The following PRCP variants were observed in gnomAD, a reference collection of about 807,000 sequenced individuals.
PRCP encodes the protein lysosomal Pro-X carboxypeptidase.
Under a neutral mutation model 54.2 loss-of-function variants are expected in PRCP, and 46 were observed. That is an observed-to-expected ratio of 0.85 (90% confidence interval 0.67 to 1.09). The LOEUF is 1.09. Ranked by LOEUF, PRCP falls within the 50% of genes least tolerant of loss-of-function variation. The pLI is 0.00. For synonymous variants in PRCP, 240 were observed against 212.2 expected, an observed-to-expected ratio of 1.13 and a Z score of -1.14; for missense variants, 613 against 596.8, an observed-to-expected ratio of 1.03 and a Z score of -0.28.
intron 6 of PRCP, among the ~76,000 whole-genome samples, chr11:82,844,309 G>GT (rs1259866631): frequency 7.9e-5 from 12 of 152,248 alleles, no homozygotes; most frequent in Admixed American, 4.6e-4. Context: ...AGTAATCCCA[G>GT]TTACTCAGGA....
chr11:82,834,755 G>A (rs1371301251), intron 8 of PRCP, among the ~76,000 whole-genome samples: 1 of 152,200 alleles, frequency 6.6e-6, no homozygotes, highest in Non-Finnish European at 1.5e-5. Context: ...GTCAGTGGGT[G>A]GAGTAGGGGG....
At chr11:82,842,436 C>T (rs915655847) in intron 6 of PRCP, among the ~76,000 whole-genome samples, 7 of 152,110 alleles carry the variant, frequency 4.6e-5, no homozygotes, top group African/African-American at 1.4e-4. Context: ...CTGGATCCAG[C>T]TTTGTACACA....
intron 1 of PRCP, among the ~76,000 whole-genome samples, chr11:82,890,335 A>T (rs1859974925): frequency 6.6e-6 from 1 of 152,160 alleles, no homozygotes; most frequent in African/African-American, 2.4e-5. Flanking sequence ...GCGTTCTGAG[A>T]AACAGCACAC....
chr11:82,853,798 T>C (rs1859015916), intron 2 of PRCP, among the ~76,000 whole-genome samples: 1 of 152,198 alleles, frequency 6.6e-6, no homozygotes, highest in Non-Finnish European at 1.5e-5. Flanking sequence ...ATCAAGAAGT[T>C]AATTTACCAG....
Position 82,850,013 on chromosome 11 carries a change from A to T in PRCP, c.652T>A (p.Phe218Ile), listed in dbSNP as rs1312950352. The T allele has an allele frequency of 1.9e-6, 3 of 1,557,656 alleles. No homozygotes were observed. The highest frequency in any genetic ancestry group is 2.8e-5 in the African/African-American group (2 of 72,290). ...AAATCTGTAGTTACGATCTTCATAA[A>T]TACACCACAAGGTACTAAATCCTCA... ...QFEDLVPCGV[F>I]MKIVTTDFRK... is the part of the protein sequence containing the mutation. The change falls in exon 5 of 9, where the codon TTT becomes ATT. Residue 218 changes from phenylalanine to isoleucine, a missense_variant. Physicochemically the swap from Phe to Ile is conservative, Grantham distance 21. Coordinates refer to ENST00000313010, the MANE Select transcript of PRCP (RefSeq NM_005040.4).
chr11:82,835,496 T>C (rs1858498617), intron 8 of PRCP: 1 of 251,392 alleles, frequency 4.0e-6, no homozygotes, highest in Admixed American at 5.2e-5. Context: ...CTAAGCCCAC[T>C]TGAGCCACAG....
At chr11:82,898,909 C>T (rs1200247334) in intron 1 of PRCP, among the ~76,000 whole-genome samples, 1 of 152,186 alleles carries the variant, frequency 6.6e-6, no homozygotes, top group East Asian at 1.9e-4. Context: ...CTTTGGGAGG[C>T]CAAGACAGGG....
chr11:82,837,275 A>G (rs1591039150), intron 8 of PRCP: 1 of 156,052 alleles, frequency 6.4e-6, no homozygotes, highest in African/African-American at 2.4e-5. Flanking sequence ...ATTTGGCTGG[A>G]TAAGTTTGCC....
At chr11:82,889,657 G>A (rs1264301720) in intron 1 of PRCP, among the ~76,000 whole-genome samples, 1 of 152,138 alleles carries the variant, frequency 6.6e-6, no homozygotes, top group Non-Finnish European at 1.5e-5. Context: ...AAGAGGTAAG[G>A]CCCATGGGAG....
At chr11:82,828,286 A>G (rs963610518) in intron 8 of PRCP, 4 of 152,216 alleles carry the variant, frequency 2.6e-5, no homozygotes, top group African/African-American at 9.6e-5. Flanking sequence ...TGCTGTTGGA[A>G]GTCGACAGCT....
chr11:82,845,745 C>G (rs1858792782), intron 6 of PRCP: 1 of 147,186 alleles, frequency 6.8e-6, no homozygotes. Context: ...CCAAAATTAA[C>G]AAATTACAGC....
intron 2 of PRCP, among the ~76,000 whole-genome samples, chr11:82,857,656 A>G (rs149726643): frequency 1.6e-3 from 250 of 152,368 alleles, no homozygotes; most frequent in African/African-American, 5.9e-3. Context: ...GTTGCTTTTT[A>G]GTGAGTTCCT....
At position 82,875,880 on chromosome 11, in the gene PRCP, G is replaced by A. The variant is rs182767879; in HGVS notation, c.169-15763C>T. 7.2e-4 allele frequency among the ~76,000 whole-genome samples: 109 copies of A among 152,188 alleles called. 1 individual carries two copies. Among genetic ancestry groups the A allele is most frequent in the African/African-American group, 2.6e-3 (107 of 41,530 alleles). On this transcript the variant is annotated intron_variant, in intron 1 of 8. Coordinates refer to ENST00000313010, the MANE Select transcript of PRCP (RefSeq NM_005040.4). ...TTTCCAGCCTCGTCTTCTACCACATGGCCCTCTCCCACTTCATATTCCAGA... is the reference window on the plus strand; with the variant it reads ...TTTCCAGCCTCGTCTTCTACCACATAGCCCTCTCCCACTTCATATTCCAGA...
chr11:82,858,944 G>A (rs896771840), intron 2 of PRCP, among the ~76,000 whole-genome samples: 2 of 152,144 alleles, frequency 1.3e-5, no homozygotes, highest in African/African-American at 2.4e-5. Context: ...AATCAGAAAT[G>A]AGAAATGCAA....
intron 1 of PRCP, among the ~76,000 whole-genome samples, chr11:82,890,752 A>G (rs571224353): frequency 6.6e-6 from 1 of 152,324 alleles, no homozygotes; most frequent in South Asian, 2.1e-4. Context: ...TGTCAAGGTC[A>G]CCATAACCTC....
intron 2 of PRCP, among the ~76,000 whole-genome samples, chr11:82,855,478 G>C (rs189618031): frequency 6.6e-6 from 1 of 152,076 alleles, no homozygotes; most frequent in Non-Finnish European, 1.5e-5. Flanking sequence ...ACTTAGCCGG[G>C]CGTGGTGGCG....
intron 2 of PRCP, among the ~76,000 whole-genome samples, chr11:82,859,056 G>C (rs1360925600): frequency 2.0e-5 from 3 of 152,150 alleles, no homozygotes; most frequent in African/African-American, 7.2e-5. Context: ...CCAGACACTG[G>C]CATTAGGGAT....
chr11:82,867,994 ATCTT>A (rs1565229315), intron 1 of PRCP, among the ~76,000 whole-genome samples: 2 of 152,206 alleles, frequency 1.3e-5, no homozygotes, highest in Non-Finnish European at 2.9e-5. Flanking sequence ...ATTATTTTAA[ATCTT>A]TCTTTTCTAA....
intron 1 of PRCP, among the ~76,000 whole-genome samples, chr11:82,896,467 G>A (rs1860122238): frequency 6.6e-6 from 1 of 151,968 alleles, no homozygotes; most frequent in Non-Finnish European, 1.5e-5. Context: ...CTTGAGGTCA[G>A]GAATTCAAGA....
Sources: gnomAD v4.1 joint callset for allele counts (sites outside exome capture counted in the v4.1 genomes callset) on GRCh38, gnomAD v4.1.1 for gene constraint, MANE v1.5 for transcripts, NCBI Gene and HGNC (gene_info 2026-07-23, HGNC 2026-07-21) for gene names.